Variants in GMDS observed in about 807,000 individuals in gnomAD.
The protein encoded by GMDS is GDP-mannose 4,6-dehydratase, also known as GDP-mannose 4,6 dehydratase.
In GMDS, 20 loss-of-function variants were observed where a neutral mutation model predicts 49.9. The ratio of observed to expected loss-of-function variants is 0.40; its 90% confidence interval spans 0.28 to 0.58. The LOEUF (loss-of-function observed/expected upper bound fraction) is 0.58. Among genes scored for constraint, GMDS ranks in the 20% least tolerant of loss-of-function variants. The pLI is 0.42. For missense variants in GMDS, 362 were observed against 481.4 expected, an observed-to-expected ratio of 0.75 and a Z score of 2.32; for synonymous variants, 177 against 178.6, an observed-to-expected ratio of 0.99 and a Z score of 0.07.
At chr6:2,234,877 G>A (rs1449030099) in intron 1 of GMDS, among the ~76,000 whole-genome samples, 3 of 152,140 alleles carry the variant, frequency 2.0e-5, no homozygotes, top group African/African-American at 7.2e-5. Flanking sequence ...TGTAATCCCA[G>A]CACTCTGGGA....
At chr6:1,898,043 GGCCTCCCTT>G in intron 7 of GMDS, among the ~76,000 whole-genome samples, 2 of 122,944 alleles carry the variant, frequency 1.6e-5, no homozygotes, top group African/African-American at 3.0e-5. Context: ...CACCTACCCT[GGCCTCCCTT>G]GCCATCCTGG....
chr6:2,104,861 A>G (rs1051786330), intron 4 of GMDS, among the ~76,000 whole-genome samples: 4 of 152,220 alleles, frequency 2.6e-5, no homozygotes, highest in Non-Finnish European at 5.9e-5. Context: ...TGCAATCTAA[A>G]TATCTTGCCA....
intron 4 of GMDS, among the ~76,000 whole-genome samples, chr6:2,051,023 G>A (rs912077168): frequency 6.6e-6 from 1 of 151,926 alleles, no homozygotes; most frequent in Non-Finnish European, 1.5e-5. Context: ...TGAGTTGATG[G>A]GTGTAACAAA....
At chr6:1,682,070 T>C (rs533761703) in intron 9 of GMDS, among the ~76,000 whole-genome samples, 2 of 152,126 alleles carry the variant, frequency 1.3e-5, no homozygotes, top group Non-Finnish European at 1.5e-5. Context: ...CCCCTTCACT[T>C]ACAAGTCTCC....
intron 1 of GMDS, among the ~76,000 whole-genome samples, chr6:2,190,437 T>C (rs1010006713): frequency 1.3e-5 from 2 of 152,228 alleles, no homozygotes; most frequent in African/African-American, 4.8e-5. Context: ...TCCTCACTTC[T>C]ACAGATAAAA....
chr6:1,735,365 C>T (rs1286781804), intron 8 of GMDS, among the ~76,000 whole-genome samples: 2 of 152,210 alleles, frequency 1.3e-5, no homozygotes, highest in African/African-American at 4.8e-5. Context: ...AAGGAGCCTG[C>T]AGTCTATGGC....
chr6:2,107,402 C>T (rs910511599), intron 4 of GMDS, among the ~76,000 whole-genome samples: 1 of 152,158 alleles, frequency 6.6e-6, no homozygotes, highest in Non-Finnish European at 1.5e-5. Context: ...CCTGCCTACC[C>T]TGATGAATAC....
At chr6:2,224,714 C>G (rs958558429) in intron 1 of GMDS, among the ~76,000 whole-genome samples, 2 of 152,088 alleles carry the variant, frequency 1.3e-5, no homozygotes, top group Admixed American at 6.5e-5. Context: ...TTTGAACATG[C>G]AAATAAGAGT....
At chr6:1,744,923 G>C (rs1419406087) in intron 7 of GMDS, among the ~76,000 whole-genome samples, 1 of 152,228 alleles carries the variant, frequency 6.6e-6, no homozygotes, top group Non-Finnish European at 1.5e-5. Flanking sequence ...CAACTAAGCT[G>C]AGCCTCCCAC....
intron 4 of GMDS, among the ~76,000 whole-genome samples, chr6:1,991,513 G>A (rs1197129772): frequency 2.0e-5 from 3 of 152,142 alleles, no homozygotes; most frequent in Non-Finnish European, 2.9e-5. Context: ...CCAATGATAG[G>A]CTTGACTGCC....
At chr6:2,074,649 G>A (rs1313474639) in intron 4 of GMDS, among the ~76,000 whole-genome samples, 1 of 152,038 alleles carries the variant, frequency 6.6e-6, no homozygotes, top group Non-Finnish European at 1.5e-5. Context: ...TGGGTCTTAC[G>A]TTTAAGTCTT....
intron 6 of GMDS, among the ~76,000 whole-genome samples, chr6:1,956,042 C>A (rs890162302): frequency 1.3e-5 from 2 of 152,200 alleles, no homozygotes; most frequent in Non-Finnish European, 2.9e-5. Flanking sequence ...CCCCAACCTG[C>A]CAAAGCACTT....
intron 1 of GMDS, among the ~76,000 whole-genome samples, chr6:2,195,979 C>T (rs1779260107): frequency 6.6e-6 from 1 of 151,904 alleles, no homozygotes; most frequent in Non-Finnish European, 1.5e-5. Context: ...AGTAAATAAT[C>T]ATAACATCCC....
At chr6:1,948,600 T>A (rs1763196786) in intron 6 of GMDS, among the ~76,000 whole-genome samples, 1 of 152,106 alleles carries the variant, frequency 6.6e-6, no homozygotes, top group Non-Finnish European at 1.5e-5. Context: ...GAGGCTGCAG[T>A]GAACTATGAT....
intron 6 of GMDS, among the ~76,000 whole-genome samples, chr6:1,957,375 G>A (rs117715415): frequency 0.01 from 1,527 of 152,184 alleles, 73 homozygotes; most frequent in Admixed American, 0.076. Flanking sequence ...AATCTCCTTG[G>A]AAAACAACAT....
At chr6:2,154,584 AGGTT>A (rs1482817408) in intron 1 of GMDS, among the ~76,000 whole-genome samples, 1 of 152,112 alleles carries the variant, frequency 6.6e-6, no homozygotes, top group African/African-American at 2.4e-5. Context: ...ATTCAGAAAA[AGGTT>A]TTTCCACCTA....
chr6:1,718,685 C>T (rs1369051786), intron 9 of GMDS, among the ~76,000 whole-genome samples: 5 of 151,964 alleles, frequency 3.3e-5, no homozygotes, highest in African/African-American at 1.2e-4. Flanking sequence ...TAGACTGGGA[C>T]TTACCTCTAC....
At chr6:1,843,260 G>T (rs559891290) in intron 7 of GMDS, among the ~76,000 whole-genome samples, 7 of 152,298 alleles carry the variant, frequency 4.6e-5, no homozygotes, top group Admixed American at 1.3e-4. Flanking sequence ...TACCCAAGGG[G>T]ATGGCCCTCA....
In GMDS at chr6:2,191,496, T is replaced by C. The variant is rs1427817397; in HGVS notation, c.102+53825A>G. Reference sequence around the variant, plus strand: ...CCAGGTGGGGCTGTGGACCCGGGCCTCTCTGCACTCTTGGGGGCCCTGGAA... The same window carrying C: ...CCAGGTGGGGCTGTGGACCCGGGCCCCTCTGCACTCTTGGGGGCCCTGGAA... On this transcript the variant is annotated intron_variant, in intron 1 of 10. Coordinates refer to ENST00000380815, the MANE Select transcript of GMDS (RefSeq NM_001500.4). This position sits in a 1 kb window ranked among gnomAD's most constrained non-coding sequence, Gnocchi z 4.6. 6.6e-6 allele frequency among the ~76,000 whole-genome samples: 1 copy of C among 152,172 alleles called. No individual in the cohort carries two copies. Among genetic ancestry groups the C allele is most frequent in the African/African-American group, 2.4e-5 (1 of 41,450 alleles).
Sources: allele counts gnomAD v4.1 joint callset (sites outside exome capture counted in the v4.1 genomes callset), GRCh38; gene constraint gnomAD v4.1.1; non-coding constraint Gnocchi (gnomAD v3.1); transcripts MANE v1.5; gene names NCBI Gene and HGNC (gene_info 2026-07-23, HGNC 2026-07-21).